The following TRPM6 variants were observed in gnomAD, a reference collection of about 807,000 sequenced individuals.
The protein encoded by TRPM6 is transient receptor potential cation channel subfamily M member 6.
Under a neutral mutation model 247.6 loss-of-function variants are expected in TRPM6, and 111 were observed. That is an observed-to-expected ratio of 0.45 (90% CI 0.38 to 0.52). The LOEUF (loss-of-function observed/expected upper bound fraction) is 0.52, where lower values mean the gene tolerates loss of function less well. Ranked by LOEUF, TRPM6 falls within the 20% of genes least tolerant of loss-of-function variation. The pLI is 0.00. For missense variants in TRPM6, 2,126 were observed against 2,421.5 expected (o/e 0.88, Z 2.56); for synonymous variants, 892 against 853.8 (o/e 1.04, Z -0.78).
intron 1 of TRPM6, among the ~76,000 whole-genome samples, chr9:74,885,818 A>C (rs1831512941): frequency 6.6e-6 from 1 of 152,186 alleles, no homozygotes; most frequent in Admixed American, 6.6e-5. Flanking sequence ...TCAGGCCTGT[A>C]ATCTTGGCAC....
At chr9:74,847,704 T>C (rs1050213864) in intron 3 of TRPM6, among the ~76,000 whole-genome samples, 28 of 151,960 alleles carry the variant, frequency 1.8e-4, no homozygotes, top group African/African-American at 5.3e-4. Context: ...TATATAGTCA[T>C]ATATAGTCAA....
At chr9:74,815,490 A>C (rs1309096799) in intron 11 of TRPM6, among the ~76,000 whole-genome samples, 1 of 152,216 alleles carries the variant, frequency 6.6e-6, no homozygotes, top group Non-Finnish European at 1.5e-5. Context: ...AAAATGAATG[A>C]GTAAACAAAG....
At chr9:74,810,948 T>C (rs1299352356) in intron 12 of TRPM6, 80 bp from the exon 13 acceptor site, 2 of 1,111,760 alleles carry the variant, frequency 1.8e-6, no homozygotes, top group African/African-American at 1.5e-5. Flanking sequence ...TCAGAATGCA[T>C]AAGTAACTGA....
chr9:74,835,093 C>T (rs1363406708), intron 5 of TRPM6, among the ~76,000 whole-genome samples: 1 of 152,200 alleles, frequency 6.6e-6, no homozygotes, highest in Non-Finnish European at 1.5e-5. Flanking sequence ...TCCTCTCCAG[C>T]ACCTGTTTCC....
chr9:74,811,105 A>T (rs879222105), intron 12 of TRPM6, among the ~76,000 whole-genome samples: 2 of 152,236 alleles, frequency 1.3e-5, no homozygotes, highest in Non-Finnish European at 2.9e-5. Flanking sequence ...ACTTTATGTG[A>T]TAAGAGATAG....
At chr9:74,760,335 A>G (rs570211602) in intron 27 of TRPM6, among the ~76,000 whole-genome samples, 12 of 152,306 alleles carry the variant, frequency 7.9e-5, no homozygotes, top group Admixed American at 3.3e-4. Flanking sequence ...GCTTAGATAC[A>G]CAAATACCAT....
chr9:74,878,558 T>A (rs10869454), intron 1 of TRPM6, among the ~76,000 whole-genome samples: 59,952 of 151,956 alleles, frequency 0.39, 12,782 homozygotes, highest in East Asian at 0.5. Flanking sequence ...ACTATACTAC[T>A]GCACACACCC....
At chr9:74,882,990 G>C (rs1185227140) in intron 1 of TRPM6, among the ~76,000 whole-genome samples, 1 of 152,130 alleles carries the variant, frequency 6.6e-6, no homozygotes, top group Non-Finnish European at 1.5e-5. Flanking sequence ...TCGAAAAACT[G>C]AAACTCTATA....
chr9:74,792,533 A>T, intron 19 of TRPM6, 91 bp downstream of exon 19: 2 of 1,399,022 alleles, frequency 1.4e-6, no homozygotes, highest in Non-Finnish European at 1.0e-6. Context: ...CTACATTTTT[A>T]ATGCAAAGTG....
chr9:74,810,790 G>C lies in TRPM6; in HGVS notation c.1497+25C>G. On this transcript the variant is annotated intron_variant, in intron 13 of 38. Coordinates refer to ENST00000360774, the MANE Select transcript of TRPM6 (RefSeq NM_017662.5). ...AAGCTAAGGCAATACACAAAGACAT[G>C]TTCACGCCTTCTTAATTAGGTTACC... The C allele has an allele frequency of 3.7e-6, 6 of 1,609,216 alleles. No homozygotes were observed. The South Asian group carries it at 6.6e-5, about 18-fold the overall frequency.
intron 1 of TRPM6, among the ~76,000 whole-genome samples, chr9:74,881,191 T>A (rs1450548529): frequency 1.3e-5 from 2 of 151,846 alleles, no homozygotes; most frequent in Non-Finnish European, 2.9e-5. Context: ...AAGAAACTCA[T>A]CTCACCTATA....
intron 1 of TRPM6, among the ~76,000 whole-genome samples, chr9:74,880,499 A>G (rs1831327834): frequency 6.6e-6 from 1 of 152,230 alleles, no homozygotes. Context: ...ATTTCTCAAT[A>G]GAAACTTTAC....
At chr9:74,850,887 AG>A (rs150315768) in intron 3 of TRPM6, among the ~76,000 whole-genome samples, 25 of 152,326 alleles carry the variant, frequency 1.6e-4, no homozygotes, top group African/African-American at 5.8e-4. Context: ...TTTTGGAACA[AG>A]GGTCACCCTT....
chr9:74,797,003 G>T, intron 17 of TRPM6, 110 bp from the exon 18 acceptor site: 1 of 980,738 alleles, frequency 1.0e-6, no homozygotes, highest in Non-Finnish European at 1.6e-6. Flanking sequence ...ACCCATCCCA[G>T]TCAATTTTCA....
At chr9:74,758,713 A>G (rs1342117358) in intron 27 of TRPM6, among the ~76,000 whole-genome samples, 2 of 152,188 alleles carry the variant, frequency 1.3e-5, no homozygotes, top group African/African-American at 2.4e-5. Flanking sequence ...TTTTCCCCTA[A>G]GAACAGACAC....
intron 8 of TRPM6, among the ~76,000 whole-genome samples, chr9:74,820,978 G>A (rs1256409492): frequency 6.6e-6 from 1 of 152,166 alleles, no homozygotes; most frequent in East Asian, 1.9e-4. Flanking sequence ...GTAGAGGGCG[G>A]AAGTGGAGGC....
intron 3 of TRPM6, among the ~76,000 whole-genome samples, chr9:74,848,845 T>TATATC (rs1208057557): frequency 1.3e-5 from 2 of 152,120 alleles, no homozygotes; most frequent in African/African-American, 4.8e-5. Flanking sequence ...TGATGACAAA[T>TATATC]ACATACAGTG....
At chr9:74,838,738 A>C (rs1174191641) in intron 5 of TRPM6, among the ~76,000 whole-genome samples, 1 of 107,544 alleles carries the variant, frequency 9.3e-6, no homozygotes. Flanking sequence ...TAGATCTTAA[A>C]ACATGGGCAA....
intron 6 of TRPM6, among the ~76,000 whole-genome samples, chr9:74,828,184 T>G (rs1829413067): frequency 6.6e-6 from 1 of 151,406 alleles, no homozygotes; most frequent in Non-Finnish European, 1.5e-5. Flanking sequence ...AAACCCCATC[T>G]CTACTAAAAA....
Sources: gnomAD v4.1 joint callset for allele counts (sites outside exome capture counted in the v4.1 genomes callset) on GRCh38, gnomAD v4.1.1 for gene constraint, MANE v1.5 for transcripts, NCBI Gene and HGNC (gene_info 2026-07-23, HGNC 2026-07-21) for gene names.